XYLT1: variants seen among roughly 807,000 people sequenced by gnomAD.
XYLT1 encodes beta-D-xylosyltransferase 1.
XYLT1 carries 36 observed loss-of-function variants against 91.3 expected under a neutral mutation model. The observed-to-expected ratio is 0.39, with a 90% confidence interval of 0.30 to 0.52. XYLT1 has a LOEUF of 0.52. Ranked by LOEUF, XYLT1 falls within the 20% of genes least tolerant of loss-of-function variation. XYLT1 has a pLI of 0.68. For synonymous variants in XYLT1, 588 were observed against 532.0 expected, an observed-to-expected ratio of 1.11 and a Z score of -1.45; for missense variants, 1,242 against 1,284.5, an observed-to-expected ratio of 0.97 and a Z score of 0.51.
chr16:17,262,815 A>C (rs2033743277), intron 2 of XYLT1, among the ~76,000 whole-genome samples: 1 of 152,100 alleles, frequency 6.6e-6, no homozygotes, highest in Non-Finnish European at 1.5e-5. Flanking sequence ...GCTTTGAGTC[A>C]CTGAGATTTG....
intron 1 of XYLT1, among the ~76,000 whole-genome samples, chr16:17,402,056 C>T (rs1279501538): frequency 1.3e-5 from 2 of 151,690 alleles, no homozygotes; most frequent in African/African-American, 4.8e-5. Context: ...CCCAACACTT[C>T]GGGAGGCTGA....
intron 3 of XYLT1, among the ~76,000 whole-genome samples, chr16:17,244,224 C>T (rs573099226): frequency 6.6e-6 from 1 of 152,248 alleles, no homozygotes; most frequent in East Asian, 1.9e-4. Flanking sequence ...TGTGATTTCT[C>T]AGGTTCTGTC....
intron 10 of XYLT1, 145 bp downstream of exon 10, chr16:17,127,521 T>TC: frequency 3.0e-6 from 3 of 1,009,578 alleles, no homozygotes; most frequent in Non-Finnish European, 4.3e-6. Flanking sequence ...CGGAGAACCT[T>TC]CTTCGGGCAC....
At chr16:17,240,271 G>A (rs1031111170) in intron 3 of XYLT1, among the ~76,000 whole-genome samples, 4 of 152,166 alleles carry the variant, frequency 2.6e-5, no homozygotes, top group Non-Finnish European at 4.4e-5. Context: ...GAGAATGGGT[G>A]AGAATAAAGG....
intron 3 of XYLT1, among the ~76,000 whole-genome samples, chr16:17,254,599 G>C (rs1487321948): frequency 6.6e-6 from 1 of 151,944 alleles, no homozygotes; most frequent in Non-Finnish European, 1.5e-5. Flanking sequence ...TTTACCATGT[G>C]GCCCAGGCTG....
rs151028563 is a variant in XYLT1 at position 17,334,332 on chromosome 16, C to T, written c.402+23680G>A. 4.6e-5 allele frequency among the ~76,000 whole-genome samples: 7 copies of T among 152,284 alleles called. No individual in the cohort carries two copies. In the South Asian group the frequency reaches 6.2e-4, roughly 14 times the overall value. On this transcript the variant is annotated intron_variant, in intron 2 of 11. Transcript: ENST00000261381. ...TTGACAAACTGGTCTTGGGCTTACACGGGTCTATGACGTCCTGGAGTACAG... is the reference window on the plus strand; with the variant it reads ...TTGACAAACTGGTCTTGGGCTTACATGGGTCTATGACGTCCTGGAGTACAG...
At chr16:17,265,398 ATCT>A (rs1328566665) in intron 2 of XYLT1, among the ~76,000 whole-genome samples, 1 of 152,320 alleles carries the variant, frequency 6.6e-6, no homozygotes, top group East Asian at 1.9e-4. Context: ...AACTGGCATC[ATCT>A]TCTCTACTCT....
At chr16:17,139,881 T>C (rs964836358) in intron 7 of XYLT1, among the ~76,000 whole-genome samples, 53 of 152,296 alleles carry the variant, frequency 3.5e-4, no homozygotes, top group African/African-American at 1.2e-3. Flanking sequence ...CTCTGGGTGA[T>C]GGGGGCAGTC....
chr16:17,175,820 G>T (rs62030852), intron 5 of XYLT1, among the ~76,000 whole-genome samples: 11 of 152,206 alleles, frequency 7.2e-5, no homozygotes, highest in Non-Finnish European at 1.6e-4. Context: ...TCCACTTTAT[G>T]TGGAGAAGCA....
intron 2 of XYLT1, among the ~76,000 whole-genome samples, chr16:17,293,228 G>A (rs1473787610): frequency 6.6e-6 from 1 of 152,154 alleles, no homozygotes; most frequent in Non-Finnish European, 1.5e-5. Context: ...GGTGACTGCA[G>A]GACAGGGTAT....
chr16:17,171,860 C>A (rs2031827128), intron 5 of XYLT1, among the ~76,000 whole-genome samples: 1 of 152,146 alleles, frequency 6.6e-6, no homozygotes, highest in Admixed American at 6.5e-5. Flanking sequence ...AACAAGTGTT[C>A]AAAAATCATT....
intron 1 of XYLT1, among the ~76,000 whole-genome samples, chr16:17,366,431 T>C (rs1451706789): frequency 6.6e-6 from 1 of 152,224 alleles, no homozygotes; most frequent in African/African-American, 2.4e-5. Context: ...GTCTGGGTGT[T>C]GTGGCTCAAG....
intron 5 of XYLT1, among the ~76,000 whole-genome samples, chr16:17,165,024 C>T (rs1413941432): frequency 6.6e-6 from 1 of 152,208 alleles, no homozygotes; most frequent in East Asian, 1.9e-4. Flanking sequence ...AAATCTCACC[C>T]TCCTGTGATC....
chr16:17,219,999 A>G (rs1199727773), intron 3 of XYLT1, among the ~76,000 whole-genome samples: 1 of 152,202 alleles, frequency 6.6e-6, no homozygotes, highest in Non-Finnish European at 1.5e-5. Context: ...AGCTCATTTT[A>G]AACATGAGCT....
intron 1 of XYLT1, among the ~76,000 whole-genome samples, chr16:17,383,418 T>C (rs2035705818): frequency 6.6e-6 from 1 of 151,668 alleles, no homozygotes; most frequent in Non-Finnish European, 1.5e-5. Context: ...CTGTAATTAC[T>C]TCTCTCTAAG....
chr16:17,247,984 C>T (rs2033468987), intron 3 of XYLT1, among the ~76,000 whole-genome samples: 1 of 152,090 alleles, frequency 6.6e-6, no homozygotes, highest in Admixed American at 6.5e-5. Context: ...TGAGACCTGC[C>T]CCCCAGTCCC....
chr16:17,137,480 T>G (rs1046539150), intron 8 of XYLT1: 1 of 152,270 alleles, frequency 6.6e-6, no homozygotes, highest in Admixed American at 6.5e-5. Flanking sequence ...CGCTTAACCA[T>G]TCAGTGGCAC....
intron 1 of XYLT1, among the ~76,000 whole-genome samples, chr16:17,435,867 G>A (rs764537317): frequency 3.9e-5 from 6 of 152,318 alleles, no homozygotes; most frequent in Non-Finnish European, 8.8e-5. Context: ...CATGAAGAAT[G>A]CATGACTTTA....
intron 5 of XYLT1, among the ~76,000 whole-genome samples, chr16:17,186,828 C>G (rs760500473): frequency 3.3e-5 from 5 of 152,072 alleles, no homozygotes; most frequent in African/African-American, 1.2e-4. Context: ...TTGGAGTCCC[C>G]GTCAGAGCAC....
Sources: allele counts gnomAD v4.1 joint callset (sites outside exome capture counted in the v4.1 genomes callset), GRCh38; gene constraint gnomAD v4.1.1; transcripts MANE v1.5; gene names NCBI Gene and HGNC (gene_info 2026-07-23, HGNC 2026-07-21).